The following RNF213 variants were observed in gnomAD, a reference collection of about 807,000 sequenced individuals.
The protein encoded by RNF213 is E3 ubiquitin-protein ligase RNF213.
RNF213 carries 341 observed loss-of-function variants against 514.4 expected under a neutral mutation model. The observed-to-expected ratio is 0.66, with a 90% CI of 0.61 to 0.73. The LOEUF (loss-of-function observed/expected upper bound fraction) is 0.73. Ranked by LOEUF, RNF213 falls within the 30% of genes least tolerant of loss-of-function variation. RNF213 has a pLI of 0.00. For missense variants in RNF213, 5,767 were observed against 6,615.6 expected (o/e 0.87, Z 4.45); for synonymous variants, 2,655 against 2,658.2 (o/e 1.00, Z 0.04).
At chr17:80,363,989 C>G (rs559231970) in intron 41 of RNF213, among the ~76,000 whole-genome samples, 199 bp downstream of exon 41, 1 of 152,188 alleles carries the variant, frequency 6.6e-6, no homozygotes, top group African/African-American at 2.4e-5. Flanking sequence ...ACACGAGAGG[C>G]GGCTGTGCAT....
chr17:80,337,363 A>T (rs2078016774), intron 23 of RNF213, among the ~76,000 whole-genome samples: 1 of 152,236 alleles, frequency 6.6e-6, no homozygotes, highest in Non-Finnish European at 1.5e-5. Flanking sequence ...ACTGGAGGAA[A>T]CGTGGAACAG....
At position 80,364,568 on chromosome 17, in the gene RNF213, T is replaced by A; in HGVS notation, c.11871+15T>A. The stretch of plus-strand genomic sequence containing the variant: ...TACTAGACAAGGTGAGTACTTGGGC[T>A]GGCCTCAGCACATGCACGGATCCAC... On this transcript the variant is annotated intron_variant, in intron 42 of 67. Coordinates refer to ENST00000582970, the MANE Select transcript of RNF213 (RefSeq NM_001256071.3). 6.2e-7 allele frequency: 1 copy of A among 1,614,156 alleles called. No homozygotes were observed. The highest frequency in any genetic ancestry group is 1.1e-5 in the South Asian group (1 of 91,082).
chr17:80,313,278 C>G (rs777706984), intron 15 of RNF213, 111 bp downstream of exon 15: 1 of 1,375,030 alleles, frequency 7.3e-7, no homozygotes, highest in East Asian at 2.3e-5. Context: ...TGGCCTTCAC[C>G]TGAGCCTCAG....
At chr17:80,282,899 T>C (rs139117822) in intron 3 of RNF213, among the ~76,000 whole-genome samples, 4,040 of 151,244 alleles carry the variant, frequency 0.027, 85 homozygotes, top group Admixed American at 0.057. Context: ...GGTTTCCCCA[T>C]GTTGGCCAGG....
At position 80,354,438 on chromosome 17, in the gene RNF213, C is replaced by T; in HGVS notation, c.10727-3C>T. ...CTGAACGTCTGTTTCTGCCTTTGTACAGCCTCTTTCTTGCGGGTATCCAAG... is the reference window on the plus strand; with the variant it reads ...CTGAACGTCTGTTTCTGCCTTTGTATAGCCTCTTTCTTGCGGGTATCCAAG... On this transcript the variant is annotated splice_polypyrimidine_tract_variant and splice_region_variant and intron_variant, in intron 35 of 67. Coordinates refer to ENST00000582970, the MANE Select transcript of RNF213 (RefSeq NM_001256071.3). The T allele has an allele frequency of 6.2e-7, 1 of 1,614,250 alleles. No individual in the cohort carries two copies. The highest frequency in any genetic ancestry group is 1.3e-5 in the African/African-American group (1 of 75,078).
Position 80,264,500 on chromosome 17 carries a change from A to T in RNF213, c.97+722A>T, listed in dbSNP as rs9895826. ...TCCCGGGTTTTAAACACCAACCCTA[A>T]AACTAGCAGCCCCCAGACCTTCAGC... On this transcript the variant is annotated intron_variant, in intron 2 of 67. Transcript: ENST00000582970. The surrounding 1 kb of genome is among the most constrained non-coding windows in gnomAD (Gnocchi z 5.0). Among the ~76,000 whole-genome samples, 13,320 of 151,920 alleles carry T rather than the reference A, an allele frequency of 0.088. 1,354 individuals carry two copies. Among genetic ancestry groups the T allele is most frequent in the African/African-American group, 0.24 (10,133 of 41,386 alleles).
chr17:80,351,546 G>T (rs529778499), intron 31 of RNF213, 139 bp from the exon 32 acceptor site: 1 of 615,522 alleles, frequency 1.6e-6, no homozygotes, highest in African/African-American at 1.9e-5. Context: ...AAAACTCATC[G>T]GAACGGGTGG....
In RNF213 at chr17:80,299,246, G is replaced by A. The variant is rs2045083193; in HGVS notation, c.2210+728G>A. Among the ~76,000 whole-genome samples, 3 of 143,870 alleles carry A rather than the reference G, an allele frequency of 2.1e-5. No individual in the cohort carries two copies. In the South Asian group the frequency reaches 6.6e-4, roughly 32 times the overall value. The allele number at this position is 143,870 out of a possible 152,430, so 94.4% of individuals were successfully genotyped here. On this transcript the variant is annotated intron_variant, in intron 11 of 67. Transcript: ENST00000582970. ...AGCGTTCCAGCCAGAGAGAGTGCCA[G>A]CCTTGTATTGAGCCAGTTCTCTGTT...
At position 80,377,229 on chromosome 17, in the gene RNF213, T is replaced by C; in HGVS notation, c.13510+266T>C. ...CTTCTGTTCTCTGGAATATGCCATT[T>C]TGGGAGAAGGGAGGGACTGGGAACC... On this transcript the variant is annotated intron_variant, in intron 53 of 67. Coordinates refer to ENST00000582970, the MANE Select transcript of RNF213 (RefSeq NM_001256071.3). This position sits in a 1 kb window ranked among gnomAD's most constrained non-coding sequence, Gnocchi z 4.1. The C allele has an allele frequency of 2.0e-6, 1 of 496,576 alleles. No individual in the cohort carries two copies. Among genetic ancestry groups the C allele is most frequent in the Non-Finnish European group, 3.7e-6 (1 of 272,316 alleles). The allele number at this position is 496,576 out of a possible 1,614,324, so 30.8% of individuals were successfully genotyped here.
chr17:80,370,013 G>T, intron 46 of RNF213, 146 bp downstream of exon 46: 3 of 711,298 alleles, frequency 4.2e-6, no homozygotes, highest in East Asian at 5.3e-5. Flanking sequence ...CTGGTTACTT[G>T]TACTGGTTGT....
At chr17:80,383,111 A>C (rs1331064118) in intron 58 of RNF213, 41 bp downstream of exon 58, 1 of 1,433,280 alleles carries the variant, frequency 7.0e-7, no homozygotes, top group South Asian at 1.1e-5. Context: ...TCCTCGGTCC[A>C]GAAAGGAAGG....
intron 57 of RNF213, chr17:80,382,722 C>T: frequency 2.5e-6 from 1 of 400,538 alleles, no homozygotes; most frequent in Non-Finnish European, 4.7e-6. Context: ...TCTGTTCTTT[C>T]AGTAATTTTT....
intron 55 of RNF213, among the ~76,000 whole-genome samples, chr17:80,380,471 G>GGGATGCCGA (rs1268129372): frequency 1.8e-4 from 28 of 152,134 alleles, no homozygotes; most frequent in Non-Finnish European, 3.2e-4. Flanking sequence ...GGACACCCAT[G>GGGATGCCGA]GGATGCCGAC....
chr17:80,337,636 T>C lies in RNF213; in HGVS notation c.4578T>C (p.His1526=), dbSNP rs1053622114. ...LEWLKTVNES[H]GSVERSSLTL... is the part of the protein sequence containing the mutation. ...GGCTGAAGACTGTGAATGAGAGTCA[T>C]GGGTCTGTGGAACGCTCATCCCTGA... is the stretch of plus-strand genomic sequence containing the variant. Residue 1526 remains histidine, a synonymous_variant, in exon 24 of 68, where the codon CAT becomes CAC. Coordinates refer to ENST00000582970, the MANE Select transcript of RNF213 (RefSeq NM_001256071.3). The C allele has an allele frequency of 4.3e-5, 66 of 1,537,174 alleles. No individual in the cohort carries two copies. Among genetic ancestry groups the C allele is most frequent in the Non-Finnish European group, 5.7e-5 (65 of 1,146,928 alleles).
At position 80,386,846 on chromosome 17, in the gene RNF213, G is replaced by A. The variant is rs144520262; in HGVS notation, c.14877G>A (p.Gln4959=). 785 of 1,613,938 alleles carry A rather than the reference G, an allele frequency of 4.9e-4. 1 individual carries two copies. Among genetic ancestry groups the A allele is most frequent in the Non-Finnish European group, 6.4e-4 (758 of 1,180,036 alleles). The part of the protein sequence containing the change: ...QEFDLEKIQR[Q]IVSRFLQGKP... ...TCGATCTGGAGAAGATTCAGCGGCAGATCGTCAGCCGCTTCCTCCAGGGCA... is the reference window on the plus strand; with the variant it reads ...TCGATCTGGAGAAGATTCAGCGGCAAATCGTCAGCCGCTTCCTCCAGGGCA... Residue 4959 remains glutamine (Q), a synonymous_variant, in exon 63 of 68, where the codon CAG becomes CAA. Coordinates refer to ENST00000582970, the MANE Select transcript of RNF213 (RefSeq NM_001256071.3).
Position 80,343,049 on chromosome 17 carries a change from C to T in RNF213, c.5990-83C>T. 3 of 1,108,162 alleles carry T rather than the reference C, an allele frequency of 2.7e-6. No individual in the cohort carries two copies. Among genetic ancestry groups the T allele is most frequent in the Non-Finnish European group, 4.1e-6 (3 of 730,902 alleles). The allele number at this position is 1,108,162 out of a possible 1,614,324, so 68.6% of individuals were successfully genotyped here. A position where few individuals can be genotyped will look rare whatever the true frequency, so the allele number is the denominator to read the frequency against. ...CTTTGAACTCCTGACCTCAAGTGAT[C>T]CCCCCGCCTCGGCCTCCCAAAGTGC... On this transcript the variant is annotated intron_variant, in intron 26 of 67. Transcript: ENST00000582970. The surrounding 1 kb of genome is among the most constrained non-coding windows in gnomAD (Gnocchi z 4.3).
chr17:80,372,089 C>G (rs1032037980), intron 47 of RNF213, 104 bp downstream of exon 47: 21 of 750,282 alleles, frequency 2.8e-5, no homozygotes, highest in Non-Finnish European at 4.5e-5. Context: ...AACGAATGCT[C>G]TGTTCCGTGC....
At position 80,395,255 on chromosome 17, in the gene RNF213, GAATTTT is replaced by G. The variant is rs1261856123; in HGVS notation, c.*1759_*1764del. ...TAGCAGAGGCAAAAAAAAAAAAAAT[GAATTTT>G]ATTTTACTTGTCACACCTGTCTTAA... On this transcript the variant is annotated 3_prime_UTR_variant, in exon 68 of 68. Transcript: ENST00000582970. 1 of 150,308 alleles carries G rather than the reference GAATTTT, an allele frequency of 6.7e-6. No individual in the cohort carries two copies. The highest frequency in any genetic ancestry group is 1.5e-5 in the Non-Finnish European group (1 of 67,572). 9.3% of individuals were successfully genotyped at this position (150,308 alleles called of 1,614,324 possible).
chr17:80,314,304 G>T (rs868462398), intron 15 of RNF213, among the ~76,000 whole-genome samples: 1 of 78,534 alleles, frequency 1.3e-5, no homozygotes, highest in African/African-American at 6.1e-5. Flanking sequence ...GGTGGTGGAC[G>T]TGATGGTGGA....
Sources: allele counts gnomAD v4.1 joint callset (sites outside exome capture counted in the v4.1 genomes callset), GRCh38; gene constraint gnomAD v4.1.1; non-coding constraint Gnocchi (gnomAD v3.1); transcripts MANE v1.5; gene names NCBI Gene and HGNC (gene_info 2026-07-23, HGNC 2026-07-21).